The following KIZ variants were observed in gnomAD, a reference collection of about 807,000 sequenced individuals.
The protein encoded by KIZ is centrosomal protein kizuna.
A neutral mutation model predicts 79.6 loss-of-function variants in KIZ; 68 were observed. The ratio of observed to expected loss-of-function variants is 0.85; its 90% CI spans 0.70 to 1.05. KIZ has a LOEUF of 1.05. Ranked by LOEUF, KIZ falls within the 50% of genes least tolerant of loss-of-function variation. The pLI is 0.00. For missense variants in KIZ, 797 were observed against 800.4 expected (o/e 1.00, Z 0.05); for synonymous variants, 280 against 281.8 (o/e 0.99, Z 0.06).
At position 21,215,627 on chromosome 20, in the gene KIZ, G is replaced by A; in HGVS notation, c.1657G>A (p.Ala553Thr). ...CGDKSKKENV[A>T]ADIPITETEA... Reference sequence around the variant, plus strand: ...AGACAAGAGCAAGAAAGAAAATGTGGCTGCAGATATCCCAATCACAGGTAA... The same window carrying A: ...AGACAAGAGCAAGAAAGAAAATGTGACTGCAGATATCCCAATCACAGGTAA... Residue 553 changes from alanine to threonine, a missense_variant, in exon 9 of 13, where the codon GCT becomes ACT. Ala to Thr is a moderately conservative substitution (Grantham distance 58). Coordinates refer to ENST00000619189, the MANE Select transcript of KIZ (RefSeq NM_018474.6). The A allele has an allele frequency of 1.2e-6, 2 of 1,605,636 alleles. No homozygotes were observed. Among genetic ancestry groups the A allele is most frequent in the Non-Finnish European group, 1.7e-6 (2 of 1,173,944 alleles).
intron 3 of KIZ, among the ~76,000 whole-genome samples, chr20:21,143,030 A>G (rs901908392): frequency 6.6e-6 from 1 of 152,146 alleles, no homozygotes; most frequent in African/African-American, 2.4e-5. Flanking sequence ...TTGCCTGTTA[A>G]TATGCATTAG....
chr20:21,177,987 T>C (rs1371565659), intron 6 of KIZ, among the ~76,000 whole-genome samples: 1 of 152,160 alleles, frequency 6.6e-6, no homozygotes, highest in Non-Finnish European at 1.5e-5. Flanking sequence ...GGTAGCTTTG[T>C]AATATATTTT....
chr20:21,222,037 A>G (rs992135633), intron 9 of KIZ, among the ~76,000 whole-genome samples: 1 of 152,220 alleles, frequency 6.6e-6, no homozygotes, highest in Non-Finnish European at 1.5e-5. Flanking sequence ...TGGATTGTCC[A>G]TTGAAAGTCC....
chr20:21,176,939 T>G (rs1331647799), intron 6 of KIZ, among the ~76,000 whole-genome samples: 2 of 152,230 alleles, frequency 1.3e-5, no homozygotes, highest in Non-Finnish European at 2.9e-5. Context: ...TGTCAAAATT[T>G]CCTTCCTTTT....
intron 7 of KIZ, among the ~76,000 whole-genome samples, chr20:21,213,268 G>A (rs920590400): frequency 6.7e-6 from 1 of 149,990 alleles, no homozygotes; most frequent in African/African-American, 2.5e-5. Context: ...TTCTTACCGG[G>A]CCTTCCGTCC....
At chr20:21,134,121 G>A (rs542693077) in intron 2 of KIZ, among the ~76,000 whole-genome samples, 170 of 152,298 alleles carry the variant, frequency 1.1e-3, no homozygotes, top group Non-Finnish European at 2.1e-3. Flanking sequence ...GGCGACTGTG[G>A]ATGGTAGAAA....
chr20:21,159,147 A>G (rs1168435492), intron 4 of KIZ, among the ~76,000 whole-genome samples: 1 of 151,664 alleles, frequency 6.6e-6, no homozygotes, highest in East Asian at 1.9e-4. Flanking sequence ...AGCTGGGATT[A>G]CAGGTGCCCA....
In KIZ at chr20:21,162,468, T is replaced by C. The variant is rs2033722522; in HGVS notation, c.1003T>C (p.Trp335Arg). ...AGAATACTGTGAATCTGAAAATAAGTGGTCTCAAGAGAAGCATTCTCCTTG... is the reference window on the plus strand; with the variant it reads ...AGAATACTGTGAATCTGAAAATAAGCGGTCTCAAGAGAAGCATTCTCCTTG... ...VSEYCESENKWSQEKHSPWEG... is the reference protein window; with the variant it reads ...VSEYCESENKRSQEKHSPWEG... Residue 335 changes from tryptophan (W) to arginine (R), a missense_variant, in exon 5 of 13, where the codon TGG becomes CGG. Transcript: ENST00000619189. 1 of 1,613,384 alleles carries C rather than the reference T, an allele frequency of 6.2e-7. No individual in the cohort carries two copies. Among genetic ancestry groups the C allele is most frequent in the East Asian group, 2.2e-5 (1 of 44,850 alleles).
At chr20:21,191,726 G>A (rs1225400812) in intron 6 of KIZ, among the ~76,000 whole-genome samples, 2 of 152,178 alleles carry the variant, frequency 1.3e-5, no homozygotes, top group East Asian at 3.9e-4. Flanking sequence ...AGGGGGGGAA[G>A]CATCCAGAAA....
rs2036249611 is a variant in KIZ at position 21,215,503 on chromosome 20, A to C, written c.1613-80A>C. ...TTAACCAAAAAAAAAAAAAGTGAAC[A>C]TAAAGGGAAGGACAAACACCCAAAG... On this transcript the variant is annotated intron_variant, in intron 8 of 12. Transcript: ENST00000619189. The C allele has an allele frequency of 1.5e-5, 11 of 741,132 alleles. No homozygotes were observed. The East Asian group carries it at 3.1e-4, about 21-fold the overall frequency. 45.9% of individuals were successfully genotyped at this position (741,132 alleles called of 1,614,324 possible). A position where few individuals can be genotyped will look rare whatever the true frequency, so the allele number is the denominator to read the frequency against.
chr20:21,219,615 G>A (rs2036435258), intron 9 of KIZ, among the ~76,000 whole-genome samples: 1 of 152,164 alleles, frequency 6.6e-6, no homozygotes, highest in Non-Finnish European at 1.5e-5. Context: ...ACCTTGCCTG[G>A]CCCTGTGGCT....
At chr20:21,195,509 C>T (rs941658558) in intron 6 of KIZ, 7 of 152,208 alleles carry the variant, frequency 4.6e-5, no homozygotes, top group African/African-American at 1.7e-4. Context: ...CAGTACTGCA[C>T]AGTACTAACC....
chr20:21,142,495 T>C lies in KIZ; in HGVS notation c.316-3070T>C, dbSNP rs550713296. ...CTACTATGTGAGAACTAATGTGGTA[T>C]TGATGATACTCTTTATTATACCTTC... On this transcript the variant is annotated intron_variant, in intron 3 of 12. Transcript: ENST00000619189. Among the ~76,000 whole-genome samples, 18 of 152,284 alleles carry C rather than the reference T, an allele frequency of 1.2e-4. No homozygotes were observed. In the East Asian group the frequency reaches 2.9e-3, roughly 24 times the overall value.
At chr20:21,224,494 G>A (rs2036599696) in intron 9 of KIZ, among the ~76,000 whole-genome samples, 1 of 152,184 alleles carries the variant, frequency 6.6e-6, no homozygotes, top group Non-Finnish European at 1.5e-5. Flanking sequence ...GAAATTCAGT[G>A]GACAGAGAAT....
intron 2 of KIZ, among the ~76,000 whole-genome samples, chr20:21,133,896 T>C (rs563899274): frequency 6.6e-6 from 1 of 152,332 alleles, no homozygotes; most frequent in Non-Finnish European, 1.5e-5. Context: ...TGTCTAATCC[T>C]GCGAAAGGAG....
At chr20:21,242,558 C>T (rs185334923) in intron 11 of KIZ, among the ~76,000 whole-genome samples, 29 of 59,864 alleles carry the variant, frequency 4.8e-4, no homozygotes, top group Admixed American at 1.1e-3. Flanking sequence ...GCAGGGGGGT[C>T]GAGAGGGGTG....
At chr20:21,187,359 C>A (rs538436859) in intron 6 of KIZ, among the ~76,000 whole-genome samples, 1 of 152,242 alleles carries the variant, frequency 6.6e-6, no homozygotes, top group African/African-American at 2.4e-5. Flanking sequence ...CAGGATGGGA[C>A]CTGCCCTACT....
chr20:21,205,831 C>T (rs935349139), intron 7 of KIZ, among the ~76,000 whole-genome samples: 56 of 151,616 alleles, frequency 3.7e-4, no homozygotes, highest in East Asian at 2.9e-3. Context: ...TGTGGTGGTG[C>T]GCACCTGTAG....
chr20:21,206,474 G>A (rs2035833410), intron 7 of KIZ, among the ~76,000 whole-genome samples: 1 of 152,090 alleles, frequency 6.6e-6, no homozygotes, highest in South Asian at 2.1e-4. Flanking sequence ...CGAGTTGGGG[G>A]TGGGGGCAGA....
Sources: gnomAD v4.1 joint callset for allele counts (sites outside exome capture counted in the v4.1 genomes callset) on GRCh38, gnomAD v4.1.1 for gene constraint, MANE v1.5 for transcripts, NCBI Gene and HGNC (gene_info 2026-07-23, HGNC 2026-07-21) for gene names.